Variants in RSPH14 observed in about 807,000 individuals in gnomAD.
RSPH14 encodes the protein radial spoke head 14 homolog.
In RSPH14, 20 loss-of-function variants were observed where a neutral mutation model predicts 26.7. The ratio of observed to expected loss-of-function variants is 0.75; its 90% CI spans 0.53 to 1.09. RSPH14 has a LOEUF of 1.09. Ranked by LOEUF, RSPH14 falls within the 50% of genes least tolerant of loss-of-function variation. The pLI is 0.00. For missense variants in RSPH14, 449 were observed against 457.2 expected, an observed-to-expected ratio of 0.98 and a Z score of 0.16; for synonymous variants, 177 against 189.3, an observed-to-expected ratio of 0.93 and a Z score of 0.53.
chr22:23,069,550 A>C (rs1183103922), intron 4 of RSPH14, among the ~76,000 whole-genome samples: 2 of 152,174 alleles, frequency 1.3e-5, no homozygotes, highest in Non-Finnish European at 2.9e-5. Flanking sequence ...CCAGCTTCCC[A>C]AAAGCGCCAA....
At chr22:23,159,441 C>T in the RSPH14 span, among the ~76,000 whole-genome samples, 4 of 152,226 alleles carry the variant, frequency 2.6e-5, no homozygotes, top group African/African-American at 4.8e-5. Context: ...AGAGGAGCTG[C>T]GTCATCTCTA....
At chr22:23,060,209 C>A (rs144774068) in intron 6 of RSPH14, among the ~76,000 whole-genome samples, 1 of 152,116 alleles carries the variant, frequency 6.6e-6, no homozygotes, top group Non-Finnish European at 1.5e-5. Flanking sequence ...CGGTGGCTCA[C>A]GCCTGTAATC....
chr22:23,161,320 TGCCCTCTCTGTTCCAGTGCCTGGAAG>T, the RSPH14 span, among the ~76,000 whole-genome samples: 1 of 152,202 alleles, frequency 6.6e-6, no homozygotes, highest in Non-Finnish European at 1.5e-5. Flanking sequence ...TCTGCACCTT[TGCCCTCTCTGTTCCAGTGCCTGGAAG>T]GCCCTCTCTT....
intron 4 of RSPH14, among the ~76,000 whole-genome samples, chr22:23,069,257 G>C (rs2068281718): frequency 6.6e-6 from 1 of 152,146 alleles, no homozygotes; most frequent in Non-Finnish European, 1.5e-5. Context: ...TCAAAGAATG[G>C]CATGATCCAC....
chr22:23,130,962 C>A (rs144229068), intron 4 of RSPH14, among the ~76,000 whole-genome samples: 140 of 152,328 alleles, frequency 9.2e-4, no homozygotes, highest in Non-Finnish European at 1.3e-3. Flanking sequence ...CCCAGCGATG[C>A]CCTCCCTGGC....
intron 4 of RSPH14, chr22:23,124,123 G>A: frequency 4.7e-6 from 1 of 210,828 alleles, no homozygotes; most frequent in South Asian, 5.3e-5. Flanking sequence ...TAGGCCAGCT[G>A]GGATTCCAGC....
intron 4 of RSPH14, among the ~76,000 whole-genome samples, chr22:23,076,199 CCTG>C (rs576476630): frequency 1.5e-4 from 23 of 152,200 alleles, no homozygotes; most frequent in Non-Finnish European, 3.2e-4. Context: ...TATGCCCTTT[CCTG>C]CTGCTATTTT....
intron 4 of RSPH14, chr22:23,070,374 G>GGGCGGCT (rs1569156796): frequency 1.4e-5 from 2 of 145,784 alleles, no homozygotes. Flanking sequence ...GGCGGGCGGC[G>GGGCGGCT]GGCGGCGCGG....
chr22:23,151,277 T>G, the RSPH14 span, among the ~76,000 whole-genome samples: 1 of 152,248 alleles, frequency 6.6e-6, no homozygotes, highest in African/African-American at 2.4e-5. Context: ...ATGATCTCCC[T>G]GATCCCTTAT....
the RSPH14 span, among the ~76,000 whole-genome samples, chr22:23,173,629 GT>G: frequency 9.4e-5 from 8 of 85,542 alleles, no homozygotes; most frequent in South Asian, 1.4e-3. Flanking sequence ...TTGGTTTTTT[GT>G]TTTTTGTTTT....
At chr22:23,145,304 A>C, upstream of RSPH14, 1 of 1,231,694 alleles carries the variant, frequency 8.1e-7, no homozygotes, top group Non-Finnish European at 1.1e-6. Flanking sequence ...CCGGCTCTCC[A>C]GGGTGTCCAG....
In RSPH14 at chr22:23,132,095, C is replaced by T. The variant is rs571826647; in HGVS notation, c.421+1931G>A. Among the ~76,000 whole-genome samples the T allele has an allele frequency of 3.9e-5, 6 of 152,330 alleles. No individual in the cohort carries two copies. The East Asian group carries it at 7.7e-4, about 20-fold the overall frequency. On this transcript the variant is annotated intron_variant, in intron 4 of 6. Coordinates refer to ENST00000216036, the MANE Select transcript of RSPH14 (RefSeq NM_014433.3). ...GTTTGCACTCCATCCTTGGGCAGGA[C>T]GCTGAGCTATACACCAGGCCAGTGT...
At chr22:23,115,584 G>C (rs894827791) in intron 4 of RSPH14, among the ~76,000 whole-genome samples, 11 of 152,120 alleles carry the variant, frequency 7.2e-5, no homozygotes, top group African/African-American at 2.7e-4. Context: ...GAACAGGAAG[G>C]TGGGGTGACC....
At chr22:23,129,163 C>T (rs1244692594) in intron 4 of RSPH14, among the ~76,000 whole-genome samples, 1 of 152,204 alleles carries the variant, frequency 6.6e-6, no homozygotes, top group Non-Finnish European at 1.5e-5. Flanking sequence ...GGCACAGTCA[C>T]ACTCGCTAAT....
At chr22:23,110,787 C>G (rs2069622825) in intron 4 of RSPH14, among the ~76,000 whole-genome samples, 1 of 152,168 alleles carries the variant, frequency 6.6e-6, no homozygotes, top group African/African-American at 2.4e-5. Context: ...AAGCAGCTGG[C>G]CTGGGAGGCA....
At chr22:23,100,698 A>C (rs1431855996) in intron 4 of RSPH14, among the ~76,000 whole-genome samples, 1 of 152,228 alleles carries the variant, frequency 6.6e-6, no homozygotes, top group African/African-American at 2.4e-5. Flanking sequence ...GGCCTGGCAC[A>C]CAGTGGGTGC....
At chr22:23,108,351 T>A (rs1338518961) in intron 4 of RSPH14, among the ~76,000 whole-genome samples, 2 of 151,996 alleles carry the variant, frequency 1.3e-5, no homozygotes, top group Non-Finnish European at 2.9e-5. Context: ...ATTAAAAGGG[T>A]TGGGGTTGTG....
chr22:23,095,789 C>T (rs756359282), intron 4 of RSPH14: 14 of 1,613,308 alleles, frequency 8.7e-6, no homozygotes, highest in Non-Finnish European at 1.1e-5. Flanking sequence ...GCGGCAACGC[C>T]GCGAAATCAA....
chr22:23,069,498 C>G (rs2068286838), intron 4 of RSPH14, among the ~76,000 whole-genome samples: 1 of 152,194 alleles, frequency 6.6e-6, no homozygotes, highest in African/African-American at 2.4e-5. Context: ...AATTTTGCAG[C>G]CTGGGTTCAG....
Sources: gnomAD v4.1 joint callset for allele counts (sites outside exome capture counted in the v4.1 genomes callset) on GRCh38, gnomAD v4.1.1 for gene constraint, MANE v1.5 for transcripts, NCBI Gene and HGNC (gene_info 2026-07-23, HGNC 2026-07-21) for gene names.